Variants in PRKCSH observed in about 807,000 individuals in gnomAD.
PRKCSH encodes PRKCSH beta subunit of glucosidase II, also known as glucosidase 2 subunit beta.
A neutral mutation model predicts 79.7 loss-of-function variants in PRKCSH; 42 were observed. The ratio of observed to expected loss-of-function variants is 0.53; its 90% confidence interval spans 0.41 to 0.68. The LOEUF is 0.68. Among genes scored for constraint, PRKCSH ranks in the 30% least tolerant of loss-of-function variants. The pLI, the probability that PRKCSH is intolerant of heterozygous loss-of-function variation, is 0.00. For missense variants in PRKCSH, 686 were observed against 709.0 expected (o/e 0.97, Z 0.37); for synonymous variants, 325 against 288.2 (o/e 1.13, Z -1.29).
Position 11,441,240 on chromosome 19 carries a change from A to G in PRKCSH, c.351A>G (p.Lys117=). ...GTGCCTGTGTGTCTCCGCACCGCAGAGAGAAGGGCCGTAAGGAGAGAGAGT... is the reference window on the plus strand; with the variant it reads ...GTGCCTGTGTGTCTCCGCACCGCAGGGAGAAGGGCCGTAAGGAGAGAGAGT... ...NSGVICENTC[K]EKGRKERESL... Residue 117 remains lysine, a splice_region_variant and synonymous_variant, in exon 6 of 18, where the codon AAA becomes AAG. Transcript: ENST00000677123. 1 of 1,613,982 alleles carries G rather than the reference A, an allele frequency of 6.2e-7. No individual in the cohort carries two copies. The highest frequency in any genetic ancestry group is 8.5e-7 in the Non-Finnish European group (1 of 1,179,924).
At chr19:11,436,356 C>T (rs935366999) in intron 2 of PRKCSH, 33 bp from the exon 3 acceptor site, 2 of 1,605,026 alleles carry the variant, frequency 1.2e-6, no homozygotes, top group Non-Finnish European at 1.7e-6. Flanking sequence ...AAGGCGCTTA[C>T]CTGCCCTGGG....
At chr19:11,444,215 G>A (rs541307973) in intron 7 of PRKCSH, among the ~76,000 whole-genome samples, 1 of 152,342 alleles carries the variant, frequency 6.6e-6, no homozygotes, top group East Asian at 1.9e-4. Context: ...CGTGTTGCAA[G>A]CTTCCTTTCA....
intron 7 of PRKCSH, among the ~76,000 whole-genome samples, chr19:11,442,996 G>T (rs1006082227): frequency 6.6e-6 from 1 of 151,606 alleles, no homozygotes; most frequent in Non-Finnish European, 1.5e-5. Flanking sequence ...GAGCCACCTC[G>T]CCCGGCCGCC....
chr19:11,437,318 G>T (rs191087615), intron 3 of PRKCSH, among the ~76,000 whole-genome samples: 1 of 151,310 alleles, frequency 6.6e-6, no homozygotes. Flanking sequence ...GATTACAGGC[G>T]TGAGCCACCG....
In PRKCSH at chr19:11,436,414, G is replaced by A. The variant is rs771391083; in HGVS notation, c.105G>A (p.Lys35=). The A allele has an allele frequency of 1.2e-6, 2 of 1,614,184 alleles. No homozygotes were observed. Among genetic ancestry groups the A allele is most frequent in the Non-Finnish European group, 8.5e-7 (1 of 1,180,032 alleles). The change falls in exon 3 of 18, where the codon AAG becomes AAA. Residue 35 remains lysine (K), a synonymous_variant. Coordinates refer to ENST00000677123, the MANE Select transcript of PRKCSH (RefSeq NM_001289104.2). ...LTNHHFYDES[K]PFTCLDGSAT... ...ATCATCACTTCTACGATGAGTCCAA[G>A]CCTTTCACCTGCCTGGACGGTTCGG...
intron 5 of PRKCSH, among the ~76,000 whole-genome samples, chr19:11,440,587 A>G (rs1012848500): frequency 1.3e-5 from 2 of 151,742 alleles, no homozygotes; most frequent in East Asian, 1.9e-4. Context: ...CTGGGATTAC[A>G]CCGTGTAGCT....
At position 11,447,315 on chromosome 19, in the gene PRKCSH, G is replaced by T; in HGVS notation, c.850-124G>T. The T allele has an allele frequency of 7.4e-7, 1 of 1,352,316 alleles. No homozygotes were observed. The highest frequency in any genetic ancestry group is 1.0e-6 in the Non-Finnish European group (1 of 970,640). 83.8% of individuals were successfully genotyped at this position (1,352,316 alleles called of 1,614,324 possible). ...CGAGACCCCCCGACCCCAGCTGTCG[G>T]TCCTCCCTGCAGGCCCCGCAGGAGG... On this transcript the variant is annotated intron_variant, in intron 10 of 17. Coordinates refer to ENST00000677123, the MANE Select transcript of PRKCSH (RefSeq NM_001289104.2). This position sits in a 1 kb window ranked among gnomAD's most constrained non-coding sequence, Gnocchi z 5.6.
rs1380187834 is a variant in PRKCSH, at chr19:11,442,646, C to T, written c.598+131C>T. The T allele has an allele frequency of 4.3e-6, 6 of 1,387,858 alleles. No homozygotes were observed. The East Asian group carries it at 1.0e-4, about 24-fold the overall frequency. The allele number at this position is 1,387,858 out of a possible 1,614,324, so 86.0% of individuals were successfully genotyped here. ...ATCATGCTGCCCATCGCCTTGTGTG[C>T]TTTGAGGTTCGCTTGGATTGTGGCA... On this transcript the variant is annotated intron_variant, in intron 7 of 17. Transcript: ENST00000677123.
rs141182270 is a variant in PRKCSH at position 11,443,270 on chromosome 19, G to A, written c.598+755G>A. Among the ~76,000 whole-genome samples the A allele has an allele frequency of 6.3e-3, 965 of 152,036 alleles. 12 individuals are homozygous for A. Among genetic ancestry groups the A allele is most frequent in the African/African-American group, 0.022 (912 of 41,518 alleles). On this transcript the variant is annotated intron_variant, in intron 7 of 17. Transcript: ENST00000677123. ...TCTACTAAAAGAAAAAATTATGGCC[G>A]GGCACAGTGGCTCATGCCTGTAATC... is the stretch of plus-strand genomic sequence containing the variant.
chr19:11,439,690 G>A (rs1055937105), intron 5 of PRKCSH, among the ~76,000 whole-genome samples: 17 of 138,668 alleles, frequency 1.2e-4, no homozygotes, highest in African/African-American at 3.3e-4. Flanking sequence ...GCGCGATCTC[G>A]GCTCACTCTA....
chr19:11,447,196 C>T lies in PRKCSH; in HGVS notation c.849+36C>T. 1.3e-6 allele frequency: 2 copies of T among 1,599,834 alleles called. No individual in the cohort carries two copies. The highest frequency in any genetic ancestry group is 1.7e-6 in the Non-Finnish European group (2 of 1,168,114). ...GAGAAGGGAGGGGACTTGGTCCTCC[C>T]ACCACACTGCCCCCACCCCGCCTCA... is the stretch of plus-strand genomic sequence containing the variant. On this transcript the variant is annotated intron_variant, in intron 10 of 17. Transcript: ENST00000677123. The surrounding 1 kb of genome is among the most constrained non-coding windows in gnomAD (Gnocchi z 5.6).
Position 11,437,910 on chromosome 19 carries a change from C to T in PRKCSH, c.231C>T (p.Cys77=), listed in dbSNP as rs759273028. The part of the protein sequence containing the change: ...TAACPNGSFH[C]TNTGYKPLYI... ...CCTGTCCTAATGGCAGCTTCCACTG[C>T]ACCAACACTGGCTATAAGCCCCTGT... Residue 77 remains cysteine (C), a synonymous_variant, in exon 4 of 18, where the codon TGC becomes TGT. Transcript: ENST00000677123. 5.0e-6 allele frequency: 8 copies of T among 1,614,218 alleles called. No homozygotes were observed. In the East Asian group the frequency reaches 1.8e-4, roughly 36 times the overall value.
Position 11,448,118 on chromosome 19 carries a change from A to G in PRKCSH, c.1127-104A>G. On this transcript the variant is annotated intron_variant, in intron 12 of 17. Coordinates refer to ENST00000677123, the MANE Select transcript of PRKCSH (RefSeq NM_001289104.2). The surrounding 1 kb of genome is among the most constrained non-coding windows in gnomAD (Gnocchi z 4.4). ...CTGTCGGGGTGAAGTCCTTGGCCAG[A>G]GCAAAATGAGGGTATGGGAGCACAC... 3 of 1,268,372 alleles carry G rather than the reference A, an allele frequency of 2.4e-6. No homozygotes were observed. The highest frequency in any genetic ancestry group is 1.1e-6 in the Non-Finnish European group (1 of 890,748). The allele number at this position is 1,268,372 out of a possible 1,614,324, so 78.6% of individuals were successfully genotyped here. A position where few individuals can be genotyped will look rare whatever the true frequency, so the allele number is the denominator to read the frequency against.
chr19:11,438,494 C>T (rs1436085279), intron 5 of PRKCSH, among the ~76,000 whole-genome samples: 4 of 152,228 alleles, frequency 2.6e-5, no homozygotes, highest in African/African-American at 4.8e-5. Flanking sequence ...CGGTGGCTCA[C>T]ACCTGTAATC....
intron 3 of PRKCSH, 31 bp from the exon 4 acceptor site, chr19:11,437,845 C>T: frequency 6.3e-7 from 1 of 1,598,086 alleles, no homozygotes; most frequent in Non-Finnish European, 8.6e-7. Context: ...TGAGCTGACT[C>T]CGAAAACCTT....
intron 3 of PRKCSH, among the ~76,000 whole-genome samples, chr19:11,437,600 G>T (rs1264094069): frequency 6.6e-6 from 1 of 152,136 alleles, no homozygotes; most frequent in Non-Finnish European, 1.5e-5. Context: ...TGACCCACCC[G>T]CCTCGGCCTC....
Position 11,436,056 on chromosome 19 carries a change from C to T in PRKCSH, c.-62C>T. 6.3e-7 allele frequency: 1 copy of T among 1,577,168 alleles called. No homozygotes were observed. Among genetic ancestry groups the T allele is most frequent in the East Asian group, 2.2e-5 (1 of 44,772 alleles). On this transcript the variant is annotated 5_prime_UTR_variant, in exon 2 of 18. Coordinates refer to ENST00000677123, the MANE Select transcript of PRKCSH (RefSeq NM_001289104.2). ...CTTCCTGCAGCGTGAAGACACAGCG[C>T]ATCTCCCCGCTGTAGGCTTCCTCCC...
chr19:11,447,948 A>G lies in PRKCSH; in HGVS notation c.1126+159A>G. ...CCAGGAAGGGGGCCTAGGGTAAGCC[A>G]GTCCCACCCTCGCCAGCCCCAAGGG... On this transcript the variant is annotated intron_variant, in intron 12 of 17. Coordinates refer to ENST00000677123, the MANE Select transcript of PRKCSH (RefSeq NM_001289104.2). The surrounding 1 kb of genome is among the most constrained non-coding windows in gnomAD (Gnocchi z 5.6). 1.1e-6 allele frequency: 1 copy of G among 932,612 alleles called. No individual in the cohort carries two copies. Among genetic ancestry groups the G allele is most frequent in the Non-Finnish European group, 1.6e-6 (1 of 634,428 alleles). The allele number at this position is 932,612 out of a possible 1,614,324, so 57.8% of individuals were successfully genotyped here. A position where few individuals can be genotyped will look rare whatever the true frequency, so the allele number is the denominator to read the frequency against.
rs1325715247 is a variant in PRKCSH at position 11,445,450 on chromosome 19, G to A, written c.660G>A (p.Glu220=). The A allele has an allele frequency of 6.2e-7, 1 of 1,613,944 alleles. No homozygotes were observed. The highest frequency in any genetic ancestry group is 1.3e-5 in the African/African-American group (1 of 74,944). The change falls in exon 8 of 18, where the codon GAG becomes GAA. Residue 220 remains glutamate (E), a synonymous_variant. Transcript: ENST00000677123. ...EQELAADAFK[E]LDDDMDGTVS... is the part of the protein sequence containing the mutation. ...AGCTGGCGGCTGATGCCTTCAAGGA[G>A]CTGGATGATGACATGGACGGGACGT...
Sources: gnomAD v4.1 joint callset for allele counts (sites outside exome capture counted in the v4.1 genomes callset) on GRCh38, gnomAD v4.1.1 for gene constraint, Gnocchi (gnomAD v3.1) non-coding constraint, MANE v1.5 for transcripts, NCBI Gene and HGNC (gene_info 2026-07-23, HGNC 2026-07-21) for gene names.